The following MDM2 variants were observed in gnomAD, a reference collection of about 807,000 sequenced individuals.
MDM2 encodes the protein MDM2 proto-oncogene, also known as E3 ubiquitin-protein ligase Mdm2.
Under a neutral mutation model 64.3 loss-of-function variants are expected in MDM2, and 11 were observed. The observed-to-expected ratio is 0.17, with a 90% CI of 0.11 to 0.28. MDM2 has a LOEUF of 0.28. Ranked by LOEUF, MDM2 falls within the 10% of genes least tolerant of loss-of-function variation. The pLI is 1.00. For synonymous variants in MDM2, 194 were observed against 192.9 expected (o/e 1.01, Z -0.05); for missense variants, 388 against 577.1 (o/e 0.67, Z 3.36).
intron 7 of MDM2, among the ~76,000 whole-genome samples, chr12:68,827,000 C>A (rs1051648462): frequency 6.6e-6 from 1 of 152,074 alleles, no homozygotes; most frequent in Non-Finnish European, 1.5e-5. Flanking sequence ...CACGGTGAAA[C>A]CCCGTCTCTA....
chr12:68,828,652 CAG>C, intron 7 of MDM2, 117 bp from the exon 8 acceptor site: 4 of 735,350 alleles, frequency 5.4e-6, no homozygotes, highest in Admixed American at 2.8e-5. Flanking sequence ...TTCAATAAAA[CAG>C]TGTTAACTTT....
intron 8 of MDM2, among the ~76,000 whole-genome samples, chr12:68,834,610 G>C (rs991370145): frequency 6.0e-5 from 9 of 148,812 alleles, no homozygotes; most frequent in African/African-American, 2.0e-4. Flanking sequence ...GGTGGCATGC[G>C]CCTGTAGTCC....
At chr12:68,838,193 A>G (rs892105554) in intron 10 of MDM2, among the ~76,000 whole-genome samples, 3 of 152,228 alleles carry the variant, frequency 2.0e-5, no homozygotes, top group African/African-American at 7.2e-5. Context: ...CTGTCTTAAC[A>G]TCATTTGTGA....
downstream of MDM2, chr12:68,846,282 T>A (rs1884292688): frequency 6.6e-6 from 1 of 152,294 alleles, no homozygotes; most frequent in African/African-American, 2.4e-5. Context: ...AGAGACAGTT[T>A]CACCATGTTG....
At chr12:68,820,965 G>A (rs1881790738) in intron 5 of MDM2, among the ~76,000 whole-genome samples, 1 of 151,322 alleles carries the variant, frequency 6.6e-6, no homozygotes, top group African/African-American at 2.4e-5. Context: ...CCTGATTTAT[G>A]TGCTTGCTGA....
chr12:68,827,357 A>G (rs1882428043), intron 7 of MDM2, among the ~76,000 whole-genome samples: 1 of 151,924 alleles, frequency 6.6e-6, no homozygotes, highest in East Asian at 1.9e-4. Flanking sequence ...TATGTTTATT[A>G]GTCATTTGTA....
In MDM2 at chr12:68,842,477, T is replaced by C; in HGVS notation, c.*2628T>C. ...CTCTAAATTATTGACTTATTTTTTATATAAGGTCACTCCGATGAAAGGTGA... is the reference window on the plus strand; with the variant it reads ...CTCTAAATTATTGACTTATTTTTTACATAAGGTCACTCCGATGAAAGGTGA... On this transcript the variant is annotated 3_prime_UTR_variant, in exon 11 of 11. Coordinates refer to ENST00000258149, the MANE Select transcript of MDM2 (RefSeq NM_002392.6). 1 of 406,574 alleles carries C rather than the reference T, an allele frequency of 2.5e-6. No homozygotes were observed. The highest frequency in any genetic ancestry group is 2.0e-5 in the South Asian group (1 of 49,802). 25.2% of individuals were successfully genotyped at this position (406,574 alleles called of 1,614,324 possible).
At chr12:68,818,057 G>T (rs886411446) in intron 4 of MDM2, among the ~76,000 whole-genome samples, 3 of 152,110 alleles carry the variant, frequency 2.0e-5, no homozygotes, top group African/African-American at 7.2e-5. Context: ...GCCTCCCAAA[G>T]TGCTGGGATT....
chr12:68,831,806 G>C (rs1686024984), intron 8 of MDM2, among the ~76,000 whole-genome samples: 1 of 152,138 alleles, frequency 6.6e-6, no homozygotes, highest in Admixed American at 6.5e-5. Context: ...GGTGGCTCAT[G>C]CCTGTAATCC....
chr12:68,808,787 C>T (rs1238118084), intron 1 of MDM2, among the ~76,000 whole-genome samples: 3 of 151,438 alleles, frequency 2.0e-5, no homozygotes, highest in Non-Finnish European at 4.4e-5. Flanking sequence ...GGGCCGGGGG[C>T]TGCGGGGCCG....
At chr12:68,821,203 A>T (rs1881818605) in intron 5 of MDM2, among the ~76,000 whole-genome samples, 1 of 151,830 alleles carries the variant, frequency 6.6e-6, no homozygotes, top group South Asian at 2.1e-4. Flanking sequence ...GTATGCCACC[A>T]CGCCCGGCTA....
intron 7 of MDM2, chr12:68,824,890 A>G (rs45496591): frequency 3.9e-4 from 172 of 444,072 alleles, no homozygotes; most frequent in African/African-American, 1.9e-3. Flanking sequence ...TAGTTAGCCA[A>G]CTCTCTGTTA....
chr12:68,810,958 C>T (rs1355258422), intron 2 of MDM2, among the ~76,000 whole-genome samples: 3 of 152,038 alleles, frequency 2.0e-5, no homozygotes, highest in Non-Finnish European at 2.9e-5. Flanking sequence ...CTCTGCCTCA[C>T]GGGTTCAAGC....
intron 1 of MDM2, 171 bp from the exon 2 acceptor site, chr12:68,809,037 G>A: frequency 6.7e-7 from 1 of 1,493,024 alleles, no homozygotes; most frequent in Non-Finnish European, 8.8e-7. Context: ...GGCGATTGGA[G>A]GGTAGACCTG....
At chr12:68,834,453 A>AT (rs1435902515) in intron 8 of MDM2, among the ~76,000 whole-genome samples, 1 of 150,520 alleles carries the variant, frequency 6.6e-6, no homozygotes, top group Non-Finnish European at 1.5e-5. Flanking sequence ...AAAAAAAAAA[A>AT]GGGCCGGGCA....
intron 8 of MDM2, among the ~76,000 whole-genome samples, chr12:68,834,489 C>G (rs957057704): frequency 2.0e-5 from 3 of 151,336 alleles, no homozygotes; most frequent in African/African-American, 7.3e-5. Flanking sequence ...GTAATCCTAA[C>G]ACTTTGGGAG....
chr12:68,845,395 T>G lies in MDM2; in HGVS notation c.*5546T>G. On this transcript the variant is annotated 3_prime_UTR_variant, in exon 11 of 11. Transcript: ENST00000258149. Reference sequence around the variant, plus strand: ...AGAAGTAACAAATTATAAAATGAGCTAACAAACGAAAGGCAAAATAAAACC... The same window carrying G: ...AGAAGTAACAAATTATAAAATGAGCGAACAAACGAAAGGCAAAATAAAACC... 1 of 209,702 alleles carries G rather than the reference T, an allele frequency of 4.8e-6. No individual in the cohort carries two copies. Among genetic ancestry groups the G allele is most frequent in the South Asian group, 1.9e-4 (1 of 5,328 alleles). 13.0% of individuals were successfully genotyped at this position (209,702 alleles called of 1,614,324 possible).
At chr12:68,810,460 T>C (rs1283595841) in intron 2 of MDM2, among the ~76,000 whole-genome samples, 1 of 151,994 alleles carries the variant, frequency 6.6e-6, no homozygotes, top group Non-Finnish European at 1.5e-5. Context: ...TCTTTAATTA[T>C]TATTATTATT....
Position 68,823,605 on chromosome 12 carries a change from A to G in MDM2, c.359-758A>G, listed in dbSNP as rs770125412. Among the ~76,000 whole-genome samples the G allele has an allele frequency of 4.7e-4, 71 of 152,084 alleles. 1 individual carries two copies. The highest frequency in any genetic ancestry group is 8.7e-4 in the Non-Finnish European group (59 of 68,008). On this transcript the variant is annotated intron_variant, in intron 5 of 10. Coordinates refer to ENST00000258149, the MANE Select transcript of MDM2 (RefSeq NM_002392.6). ...AATAGTTTTTAGTTTGTATTATTGC[A>G]ATTGTCTAATACTGGTTTTCCTGCC...
Sources: allele counts gnomAD v4.1 joint callset (sites outside exome capture counted in the v4.1 genomes callset), GRCh38; gene constraint gnomAD v4.1.1; transcripts MANE v1.5; gene names NCBI Gene and HGNC (gene_info 2026-07-23, HGNC 2026-07-21).